DUSP18: variants seen among roughly 807,000 people sequenced by gnomAD.
The protein encoded by DUSP18 is dual specificity phosphatase 18, also known as dual specificity protein phosphatase 18.
In DUSP18, 4 loss-of-function variants were observed where a neutral mutation model predicts 6.3. The ratio of observed to expected loss-of-function variants is 0.63; its 90% CI spans 0.31 to 1.45. DUSP18 has a LOEUF of 1.45. Among genes scored for constraint, DUSP18 ranks in the 40% most tolerant of loss-of-function variants. The probability of loss-of-function intolerance (pLI) is 0.07; values close to 1 mark genes in which losing one functional copy is unlikely to be tolerated. For missense variants in DUSP18, 235 were observed against 247.7 expected (o/e 0.95, Z 0.34); for synonymous variants, 96 against 95.1 (o/e 1.01, Z -0.05).
Position 30,663,710 on chromosome 22 carries a change from G to A in DUSP18, c.294C>T (p.Gly98=). The A allele has an allele frequency of 1.2e-6, 2 of 1,614,240 alleles. No homozygotes were observed. The highest frequency in any genetic ancestry group is 1.7e-6 in the Non-Finnish European group (2 of 1,180,046). The change falls in exon 2 of 2, where the codon GGC becomes GGT. Residue 98 remains glycine (G), a synonymous_variant. Coordinates refer to ENST00000334679, the MANE Select transcript of DUSP18 (RefSeq NM_152511.5). ...CAGCAGCACAGTGCAGCAAAGTACG[G>A]CCCTGCTTCATCTCCACGCTGTGGA... ...DHIHSVEMKQ[G]RTLLHCAAGV... is the part of the protein sequence containing the mutation.
intron 2 of DUSP18, chr22:30,654,266 G>A: frequency 2.3e-6 from 1 of 428,634 alleles, no homozygotes; most frequent in Non-Finnish European, 4.6e-6. Context: ...TTACAGGCGT[G>A]AGCCACCGCG....
In DUSP18 at chr22:30,663,662, C is replaced by T; in HGVS notation, c.342G>A (p.Leu114=). The T allele has an allele frequency of 6.2e-7, 1 of 1,614,206 alleles. No individual in the cohort carries two copies. The highest frequency in any genetic ancestry group is 8.5e-7 in the Non-Finnish European group (1 of 1,180,032). Residue 114 remains leucine, a synonymous_variant, in exon 2 of 2, where the codon CTG becomes CTA. Coordinates refer to ENST00000334679, the MANE Select transcript of DUSP18 (RefSeq NM_152511.5). ...CAAGVSRSAA[L]CLAYLMKYHA... ...GGTACTTCATGAGGTAGGCGAGGCA[C>T]AGGGCAGCTGAGCGGCTCACACCAG...
At position 30,663,371 on chromosome 22, in the gene DUSP18, G is replaced by A; in HGVS notation, c.*66C>T. ...AACAAAAGTAGAATGTTCAAGTTTGGATCTTGGTGTAAGATCAACAATAGA... is the reference window on the plus strand; with the variant it reads ...AACAAAAGTAGAATGTTCAAGTTTGAATCTTGGTGTAAGATCAACAATAGA... On this transcript the variant is annotated 3_prime_UTR_variant, in exon 2 of 2. Transcript: ENST00000334679. 6.8e-7 allele frequency: 1 copy of A among 1,468,728 alleles called. No homozygotes were observed. Among genetic ancestry groups the A allele is most frequent in the Non-Finnish European group, 9.2e-7 (1 of 1,084,248 alleles). The allele number at this position is 1,468,728 out of a possible 1,614,324, so 91.0% of individuals were successfully genotyped here.
In DUSP18 at chr22:30,663,500, A is replaced by C; in HGVS notation, c.504T>G (p.Ser168Arg). Reference sequence around the variant, plus strand: ...TGTCAGGGATCATTCCCACTGGGGAACTGACCATGTGCACAGTGTTCTTGC... The same window carrying C: ...TGTCAGGGATCATTCCCACTGGGGACCTGACCATGTGCACAGTGTTCTTGC... ...LFGKNTVHMV[S>R]SPVGMIPDIY... The change falls in exon 2 of 2, where the codon AGT becomes AGG. Residue 168 changes from serine to arginine, a missense_variant. Physicochemically the swap from Ser to Arg is moderately radical, Grantham distance 110. Coordinates refer to ENST00000334679, the MANE Select transcript of DUSP18 (RefSeq NM_152511.5). The C allele has an allele frequency of 6.2e-7, 1 of 1,614,170 alleles. No individual in the cohort carries two copies. The highest frequency in any genetic ancestry group is 1.1e-5 in the South Asian group (1 of 91,084).
downstream of DUSP18, among the ~76,000 whole-genome samples, chr22:30,660,710 G>A (rs1432464696): frequency 6.6e-6 from 1 of 152,112 alleles, no homozygotes; most frequent in African/African-American, 2.4e-5. Flanking sequence ...TTAAACTGAT[G>A]AGAACCAAAG....
Position 30,664,049 on chromosome 22 carries a change from G to A in DUSP18, c.-46C>T, listed in dbSNP as rs2088568786. The A allele has an allele frequency of 5.9e-6, 9 of 1,528,350 alleles. No individual in the cohort carries two copies. Among genetic ancestry groups the A allele is most frequent in the Admixed American group, 1.9e-5 (1 of 52,298 alleles). The allele number at this position is 1,528,350 out of a possible 1,614,324, so 94.7% of individuals were successfully genotyped here. ...CAGCAGTCAGCGAAGCACGAAGGCTGCGTCTTTCTGCTAGGCTGTGTCCAT... is the reference window on the plus strand; with the variant it reads ...CAGCAGTCAGCGAAGCACGAAGGCTACGTCTTTCTGCTAGGCTGTGTCCAT... On this transcript the variant is annotated 5_prime_UTR_variant, in exon 2 of 2. It introduces an in-frame stop codon into an upstream open reading frame of the 5' UTR. Coordinates refer to ENST00000334679, the MANE Select transcript of DUSP18 (RefSeq NM_152511.5).
downstream of DUSP18, among the ~76,000 whole-genome samples, chr22:30,661,133 G>A (rs2088453096): frequency 6.6e-6 from 1 of 151,954 alleles, no homozygotes; most frequent in Admixed American, 6.6e-5. Flanking sequence ...GAGCCACCAC[G>A]CCCGGCCTCA....
downstream of DUSP18, among the ~76,000 whole-genome samples, chr22:30,659,460 G>T (rs529383788): frequency 4.6e-5 from 7 of 151,826 alleles, no homozygotes; most frequent in Middle Eastern, 3.2e-3. Context: ...TGCAACCTCC[G>T]CCTCCTGGGT....
chr22:30,652,398 G>C (rs2088239020), intron 2 of DUSP18: 1 of 152,236 alleles, frequency 6.6e-6, no homozygotes, highest in African/African-American at 2.4e-5. Flanking sequence ...TTCTAATCTT[G>C]TGGCTAATGT....
chr22:30,657,940 AATAATAATAATAATG>A (rs2145598467), downstream of DUSP18, among the ~76,000 whole-genome samples: 1 of 144,534 alleles, frequency 6.9e-6, no homozygotes, highest in South Asian at 2.1e-4. Flanking sequence ...TAATAATAAT[AATAATAATAATAATG>A]ATTAGCTGGA....
chr22:30,657,197 G>A (rs1394598770), downstream of DUSP18, among the ~76,000 whole-genome samples: 11 of 151,524 alleles, frequency 7.3e-5, no homozygotes, highest in Admixed American at 6.6e-4. Context: ...CACTTTGGGA[G>A]GCCGAGGTGG....
At chr22:30,666,935 G>A (rs2088693537) in intron 1 of DUSP18, 2 of 152,142 alleles carry the variant, frequency 1.3e-5, no homozygotes, top group African/African-American at 4.8e-5. Flanking sequence ...TAAAATGCAG[G>A]GCTCTGTGAA....
chr22:30,657,614 TA>T (rs1280039051), downstream of DUSP18, among the ~76,000 whole-genome samples: 5 of 150,908 alleles, frequency 3.3e-5, no homozygotes, highest in Admixed American at 6.6e-5. Context: ...TTTAAAGATT[TA>T]AAAAATAGGC....
chr22:30,660,552 A>G (rs1217659957), downstream of DUSP18, among the ~76,000 whole-genome samples: 1 of 152,222 alleles, frequency 6.6e-6, no homozygotes, highest in Non-Finnish European at 1.5e-5. Flanking sequence ...GTTATCAATG[A>G]CACAGAAGTA....
In DUSP18 at chr22:30,663,872, G is replaced by A; in HGVS notation, c.132C>T (p.Asn44=). The change falls in exon 2 of 2, where the codon AAC becomes AAT. Residue 44 remains asparagine (N), a synonymous_variant. Coordinates refer to ENST00000334679, the MANE Select transcript of DUSP18 (RefSeq NM_152511.5). ...AANNKLMLSS[N]QITMVINVSV... ...AGACATTGATGACCATGGTGATCTG[G>A]TTGCTAGACAGCATGAGCTTGTTGT... 1 of 1,614,212 alleles carries A rather than the reference G, an allele frequency of 6.2e-7. No individual in the cohort carries two copies. The highest frequency in any genetic ancestry group is 2.2e-5 in the East Asian group (1 of 44,886).
intron 1 of DUSP18, among the ~76,000 whole-genome samples, chr22:30,666,544 C>T (rs1247389028): frequency 7.4e-6 from 1 of 134,536 alleles, no homozygotes; most frequent in African/African-American, 2.9e-5. Flanking sequence ...ATTGCTTGAA[C>T]CCGGGAGGCG....
In DUSP18 at chr22:30,663,263, TA is replaced by T; in HGVS notation, c.*173del. The T allele has an allele frequency of 1.8e-5, 12 of 683,814 alleles. No individual in the cohort carries two copies. The highest frequency in any genetic ancestry group is 3.6e-5 in the African/African-American group (2 of 55,344). The allele number at this position is 683,814 out of a possible 1,614,324, so 42.4% of individuals were successfully genotyped here. Reference sequence around the variant, plus strand: ...CACCATCTCACAATTAGTTTAATCTTAAAAAAAATGGATTATAAAGTTAAAA... The same window carrying T: ...CACCATCTCACAATTAGTTTAATCTTAAAAAAATGGATTATAAAGTTAAAA... On this transcript the variant is annotated 3_prime_UTR_variant, in exon 2 of 2. Coordinates refer to ENST00000334679, the MANE Select transcript of DUSP18 (RefSeq NM_152511.5).
At chr22:30,664,116 C>T (rs1284508032) in intron 1 of DUSP18, 36 bp from the exon 2 acceptor site, 2 of 977,638 alleles carry the variant, frequency 2.0e-6, no homozygotes, top group Admixed American at 2.5e-5. Context: ...AGGGCAGGTG[C>T]CCAGAGGGCC....
chr22:30,663,579 C>G lies in DUSP18; in HGVS notation c.425G>C (p.Arg142Pro). 6.2e-7 allele frequency: 1 copy of G among 1,614,198 alleles called. No homozygotes were observed. The highest frequency in any genetic ancestry group is 8.5e-7 in the Non-Finnish European group (1 of 1,180,036). The change falls in exon 2 of 2, where the codon CGA becomes CCA. Residue 142 changes from arginine to proline, a missense_variant. Coordinates refer to ENST00000334679, the MANE Select transcript of DUSP18 (RefSeq NM_152511.5). ...TWTKSCRPII[R>P]PNSGFWEQLI... ...CTGCTCCCAAAAGCCGCTGTTGGGT[C>G]GGATGATGGGCCGGCATGACTTGGT...
Sources: gnomAD v4.1 joint callset for allele counts (sites outside exome capture counted in the v4.1 genomes callset) on GRCh38, gnomAD v4.1.1 for gene constraint, MANE v1.5 for transcripts, NCBI Gene and HGNC (gene_info 2026-07-23, HGNC 2026-07-21) for gene names.